DNM2: variants seen among roughly 807,000 people sequenced by gnomAD.
DNM2 encodes the protein dynamin-2.
DNM2 carries 15 observed loss-of-function variants against 99.0 expected under a neutral mutation model. The observed-to-expected ratio is 0.15, with a 90% CI of 0.10 to 0.23. The LOEUF (loss-of-function observed/expected upper bound fraction) is 0.23, where lower values mean the gene tolerates loss of function less well. DNM2 is among the 10% of genes least tolerant of loss of function. DNM2 has a pLI of 1.00. For synonymous variants in DNM2, 525 were observed against 481.2 expected (o/e 1.09, Z -1.19); for missense variants, 742 against 1,189.4 (o/e 0.62, Z 5.53).
intron 1 of DNM2, among the ~76,000 whole-genome samples, chr19:10,734,766 A>G (rs1227646375): frequency 6.7e-6 from 1 of 150,050 alleles, no homozygotes; most frequent in Admixed American, 6.7e-5. Flanking sequence ...GTCTGGAAGT[A>G]TACATACTGA....
rs375251601 is a variant in DNM2 at position 10,795,488 on chromosome 19, G to A, written c.1196+49G>A. The A allele has an allele frequency of 2.1e-4, 334 of 1,606,136 alleles. No homozygotes were observed. Among genetic ancestry groups the A allele is most frequent in the Middle Eastern group, 8.2e-4 (5 of 6,070 alleles). On this transcript the variant is annotated intron_variant, in intron 9 of 20. Transcript: ENST00000389253. The surrounding 1 kb of genome is among the most constrained non-coding windows in gnomAD (Gnocchi z 4.2). ...CACTGTTCCTTCCTCTCCGTGGTGCGACCCCCCAGCTAATTGGGTCACCCA... is the reference window on the plus strand; with the variant it reads ...CACTGTTCCTTCCTCTCCGTGGTGCAACCCCCCAGCTAATTGGGTCACCCA...
rs544489811 is a variant in DNM2, at chr19:10,827,003, C to A, written c.2058+1782C>A. Among the ~76,000 whole-genome samples the A allele has an allele frequency of 4.3e-4, 66 of 152,172 alleles. 1 individual carries two copies. In the East Asian group the frequency reaches 0.012, roughly 29 times the overall value. ...TGGTGGCTCACATCTGTACTCCCAGCACTTTGGGAGGCTTGGCAGGAGGAT... is the reference window on the plus strand; with the variant it reads ...TGGTGGCTCACATCTGTACTCCCAGAACTTTGGGAGGCTTGGCAGGAGGAT... On this transcript the variant is annotated intron_variant, in intron 18 of 20. Coordinates refer to ENST00000389253, the MANE Select transcript of DNM2 (RefSeq NM_001005361.3).
chr19:10,823,373 C>T (rs1442060304), intron 16 of DNM2: 1 of 151,846 alleles, frequency 6.6e-6, no homozygotes. Context: ...CCATTGCACT[C>T]CAGCCTGGAC....
chr19:10,718,332 C>T lies in DNM2; in HGVS notation c.90C>T (p.Asp30=), dbSNP rs759919549. 1.4e-4 allele frequency: 218 copies of T among 1,519,488 alleles called. 1 individual carries two copies. The highest frequency in any genetic ancestry group is 1.8e-4 in the Non-Finnish European group (200 of 1,135,986). 94.1% of individuals were successfully genotyped at this position (1,519,488 alleles called of 1,614,324 possible). A position where few individuals can be genotyped will look rare whatever the true frequency, so the allele number is the denominator to read the frequency against. ...CCATCGGCCAGAGCTGCCACCTGGA[C>T]CTGCCGCAGATCGCTGTAGTGGGCG... ...FSSIGQSCHL[D]LPQIAVVGGQ... Residue 30 remains aspartate, a synonymous_variant, in exon 1 of 21, where the codon GAC becomes GAT. Coordinates refer to ENST00000389253, the MANE Select transcript of DNM2 (RefSeq NM_001005361.3).
chr19:10,800,626 C>A (rs1341373861), intron 11 of DNM2, among the ~76,000 whole-genome samples: 2 of 152,260 alleles, frequency 1.3e-5, no homozygotes, highest in African/African-American at 4.8e-5. Context: ...CCTTGCCCTA[C>A]TTTATTCTCA....
chr19:10,722,783 A>G (rs2068981799), intron 1 of DNM2, among the ~76,000 whole-genome samples: 1 of 151,910 alleles, frequency 6.6e-6, no homozygotes, highest in African/African-American at 2.4e-5. Flanking sequence ...ACGTGCCACC[A>G]CGCTTGGCTA....
At chr19:10,756,695 C>A (rs539325351) in intron 1 of DNM2, among the ~76,000 whole-genome samples, 2 of 152,216 alleles carry the variant, frequency 1.3e-5, no homozygotes, top group South Asian at 2.1e-4. Context: ...CAGGGCTCGT[C>A]CCCCAGAGCC....
intron 1 of DNM2, among the ~76,000 whole-genome samples, chr19:10,744,880 G>A (rs189174787): frequency 5.3e-5 from 8 of 152,176 alleles, no homozygotes; most frequent in Non-Finnish European, 8.8e-5. Flanking sequence ...CTAGGAGGGC[G>A]GAGTTGTGAG....
At chr19:10,803,850 C>T (rs1376623981) in intron 12 of DNM2, among the ~76,000 whole-genome samples, 1 of 152,206 alleles carries the variant, frequency 6.6e-6, no homozygotes, top group African/African-American at 2.4e-5. Flanking sequence ...GCTGTAGCCC[C>T]TGCTGTTTCA....
intron 1 of DNM2, among the ~76,000 whole-genome samples, chr19:10,757,400 C>T (rs1424424920): frequency 6.6e-6 from 1 of 152,186 alleles, no homozygotes; most frequent in Non-Finnish European, 1.5e-5. Context: ...GTAATACATT[C>T]CCAGGAATTT....
chr19:10,718,738 C>T (rs1317471758), intron 1 of DNM2: 1 of 200,602 alleles, frequency 5.0e-6, no homozygotes, highest in Non-Finnish European at 1.0e-5. Context: ...GATCCCTCTT[C>T]TGCTCTTTCG....
At chr19:10,748,553 C>T (rs1036062925) in intron 1 of DNM2, among the ~76,000 whole-genome samples, 3 of 152,132 alleles carry the variant, frequency 2.0e-5, no homozygotes, top group South Asian at 4.1e-4. Flanking sequence ...AGGCAGGGAC[C>T]GAGGTGGGCA....
Position 10,830,904 on chromosome 19 carries a change from C to A in DNM2, c.2544-74C>A. On this transcript the variant is annotated intron_variant, in intron 20 of 20. Coordinates refer to ENST00000389253, the MANE Select transcript of DNM2 (RefSeq NM_001005361.3). The surrounding 1 kb of genome is among the most constrained non-coding windows in gnomAD (Gnocchi z 4.8). ...GGTGTGTGGGTGGGGGCTGGGTCCT[C>A]AACCCAGGCCTGCCTCTTGCTCCCG... The A allele has an allele frequency of 6.6e-7, 1 of 1,521,206 alleles. No individual in the cohort carries two copies. The highest frequency in any genetic ancestry group is 8.9e-7 in the Non-Finnish European group (1 of 1,126,654). The allele number at this position is 1,521,206 out of a possible 1,614,324, so 94.2% of individuals were successfully genotyped here.
intron 4 of DNM2, 64 bp from the exon 5 acceptor site, chr19:10,777,054 C>T: frequency 1.3e-6 from 2 of 1,565,026 alleles, no homozygotes; most frequent in Admixed American, 1.7e-5. Flanking sequence ...AGGTGGCTTG[C>T]AGCTGCCAGC....
intron 1 of DNM2, among the ~76,000 whole-genome samples, chr19:10,723,686 C>T (rs978260153): frequency 3.9e-5 from 6 of 152,304 alleles, no homozygotes; most frequent in African/African-American, 1.4e-4. Flanking sequence ...AGGTGTTGTT[C>T]GTTCATTAAA....
At chr19:10,805,097 C>T (rs1054002095) in intron 12 of DNM2, among the ~76,000 whole-genome samples, 5 of 152,090 alleles carry the variant, frequency 3.3e-5, no homozygotes, top group African/African-American at 7.2e-5. Flanking sequence ...TTGTCTATGC[C>T]GGCATGAACT....
At chr19:10,760,686 G>A (rs906239810) in intron 2 of DNM2, among the ~76,000 whole-genome samples, 1 of 151,768 alleles carries the variant, frequency 6.6e-6, no homozygotes, top group African/African-American at 2.4e-5. Context: ...TTAAGAGACA[G>A]GGTCTCACTC....
rs1464750629 is a variant in DNM2 at position 10,765,678 on chromosome 19, C to G, written c.235+5867C>G. 2.0e-5 allele frequency among the ~76,000 whole-genome samples: 3 copies of G among 152,222 alleles called. No homozygotes were observed. The highest frequency in any genetic ancestry group is 4.4e-5 in the Non-Finnish European group (3 of 68,038). ...TGGGAAGTGTTGTGTGCTGTGCCCA[C>G]TTCTTGGTCTGCTGAAGGCTCTCAA... On this transcript the variant is annotated intron_variant, in intron 2 of 20. Coordinates refer to ENST00000389253, the MANE Select transcript of DNM2 (RefSeq NM_001005361.3). The surrounding 1 kb of genome is among the most constrained non-coding windows in gnomAD (Gnocchi z 4.4).
At position 10,808,566 on chromosome 19, in the gene DNM2, A is replaced by G; in HGVS notation, c.1546-3A>G. The G allele has an allele frequency of 6.2e-7, 1 of 1,612,358 alleles. No individual in the cohort carries two copies. The highest frequency in any genetic ancestry group is 8.5e-7 in the Non-Finnish European group (1 of 1,179,280). On this transcript the variant is annotated splice_polypyrimidine_tract_variant and splice_region_variant and intron_variant, in intron 13 of 20. Transcript: ENST00000389253. ...CCACAACCCTAACTTTGCATATTCAAAGGGGGAGATCCTGGTAAGTACATG... is the reference window on the plus strand; with the variant it reads ...CCACAACCCTAACTTTGCATATTCAGAGGGGGAGATCCTGGTAAGTACATG...
Sources: allele counts gnomAD v4.1 joint callset (sites outside exome capture counted in the v4.1 genomes callset), GRCh38; gene constraint gnomAD v4.1.1; non-coding constraint Gnocchi (gnomAD v3.1); transcripts MANE v1.5; gene names NCBI Gene and HGNC (gene_info 2026-07-23, HGNC 2026-07-21).